Variants in SORCS3 observed in about 807,000 individuals in gnomAD.
The protein encoded by SORCS3 is VPS10 domain-containing receptor SorCS3.
Under a neutral mutation model 146.3 loss-of-function variants are expected in SORCS3, and 57 were observed. The observed-to-expected ratio is 0.39, with a 90% CI of 0.31 to 0.49. The LOEUF (loss-of-function observed/expected upper bound fraction) is 0.49. SORCS3 is among the 20% of genes least tolerant of loss of function. SORCS3 has a pLI of 0.92. For missense variants in SORCS3, 1,341 were observed against 1,575.5 expected, an observed-to-expected ratio of 0.85 and a Z score of 2.52; for synonymous variants, 653 against 618.5, an observed-to-expected ratio of 1.06 and a Z score of -0.83.
intron 3 of SORCS3, among the ~76,000 whole-genome samples, chr10:104,929,606 C>T (rs952441245): frequency 6.6e-6 from 1 of 152,210 alleles, no homozygotes; most frequent in African/African-American, 2.4e-5. Flanking sequence ...CCCTAGACAG[C>T]CCTCAGCAAC....
chr10:105,190,612 C>T (rs1311258111), intron 14 of SORCS3, among the ~76,000 whole-genome samples: 3 of 152,096 alleles, frequency 2.0e-5, no homozygotes, highest in Non-Finnish European at 1.5e-5. Flanking sequence ...CCATATTGGT[C>T]AGGATAGTCT....
At chr10:105,165,007 A>G (rs991409235) in intron 12 of SORCS3, among the ~76,000 whole-genome samples, 11 of 152,222 alleles carry the variant, frequency 7.2e-5, no homozygotes, top group African/African-American at 2.4e-4. Context: ...CCATGCAGCT[A>G]TGGAGCACTT....
At chr10:104,696,897 G>A (rs897832438) in intron 1 of SORCS3, among the ~76,000 whole-genome samples, 1 of 149,522 alleles carries the variant, frequency 6.7e-6, no homozygotes, top group Non-Finnish European at 1.5e-5. Context: ...GACAAATACT[G>A]CATAATCTCA....
intron 5 of SORCS3, among the ~76,000 whole-genome samples, chr10:105,054,398 A>T (rs1397877171): frequency 6.6e-6 from 1 of 151,706 alleles, no homozygotes; most frequent in Non-Finnish European, 1.5e-5. Context: ...TATATATTAG[A>T]TATTAGATAT....
At chr10:104,847,562 T>G (rs1268171101) in intron 2 of SORCS3, among the ~76,000 whole-genome samples, 1 of 152,170 alleles carries the variant, frequency 6.6e-6, no homozygotes, top group Non-Finnish European at 1.5e-5. Flanking sequence ...ACCACAGGTA[T>G]GCAGTCCCCA....
chr10:104,718,809 G>C (rs1008420502), intron 1 of SORCS3, among the ~76,000 whole-genome samples: 1 of 152,140 alleles, frequency 6.6e-6, no homozygotes, highest in African/African-American at 2.4e-5. Context: ...TGGGAGAAAT[G>C]TTAGGAATAT....
intron 25 of SORCS3, among the ~76,000 whole-genome samples, chr10:105,257,614 A>C (rs1390679697): frequency 6.6e-6 from 1 of 152,242 alleles, no homozygotes; most frequent in Non-Finnish European, 1.5e-5. Context: ...TAAGAGTATA[A>C]ACTCTGAAAT....
intron 1 of SORCS3, among the ~76,000 whole-genome samples, chr10:104,800,665 A>T (rs922404124): frequency 1.3e-5 from 2 of 152,182 alleles, no homozygotes; most frequent in African/African-American, 4.8e-5. Context: ...AATACAATTT[A>T]TCTGAAAATA....
chr10:105,157,361 G>T, intron 10 of SORCS3, 77 bp downstream of exon 10: 1 of 1,559,120 alleles, frequency 6.4e-7, no homozygotes, highest in South Asian at 1.2e-5. Flanking sequence ...GCTTTGTTTC[G>T]TCAAAGGGTC....
intron 7 of SORCS3, among the ~76,000 whole-genome samples, chr10:105,115,072 C>T (rs1464543847): frequency 6.6e-6 from 1 of 152,100 alleles, no homozygotes; most frequent in African/African-American, 2.4e-5. Flanking sequence ...TGGAGCATTG[C>T]CCTGGTCTCC....
chr10:104,772,591 G>A (rs1443863405), intron 1 of SORCS3, among the ~76,000 whole-genome samples: 1 of 152,170 alleles, frequency 6.6e-6, no homozygotes, highest in Non-Finnish European at 1.5e-5. Flanking sequence ...CTCACATGAC[G>A]TTATTCCCCC....
In SORCS3 at chr10:104,855,713, T is replaced by TTGAGTG. The variant is rs1352430068; in HGVS notation, c.695+12857_695+12862dup. On this transcript the variant is annotated intron_variant, in intron 2 of 26. Transcript: ENST00000369701. ...TGCTCAACTTATTTGGTATTTGCTT[T>TTGAGTG]TGAGTGTGTGTGTGTGTATGTGTGT... 3.2e-4 allele frequency among the ~76,000 whole-genome samples: 44 copies of TTGAGTG among 136,992 alleles called. No individual in the cohort carries two copies. The South Asian group carries it at 9.2e-3, about 29-fold the overall frequency. The allele number at this position is 136,992 out of a possible 152,430, so 89.9% of individuals were successfully genotyped here.
intron 1 of SORCS3, among the ~76,000 whole-genome samples, chr10:104,777,613 G>A (rs375461701): frequency 5.3e-5 from 8 of 152,346 alleles, no homozygotes; most frequent in African/African-American, 1.7e-4. Context: ...AGTGCTACTG[G>A]CATCTAGTGG....
At chr10:104,909,227 T>C (rs551229059) in intron 2 of SORCS3, among the ~76,000 whole-genome samples, 7 of 152,236 alleles carry the variant, frequency 4.6e-5, no homozygotes, top group African/African-American at 1.7e-4. Flanking sequence ...AAATATTTAC[T>C]ATCTGGTTGT....
rs1017327480 is a variant in SORCS3 at position 105,114,891 on chromosome 10, A to G, written c.1212+9376A>G. On this transcript the variant is annotated intron_variant, in intron 7 of 26. Transcript: ENST00000369701. Reference sequence around the variant, plus strand: ...TGATACCAGTACTACATTGAAGTCAATTGGTAGCTTGGATACATGTTGCTG... The same window carrying G: ...TGATACCAGTACTACATTGAAGTCAGTTGGTAGCTTGGATACATGTTGCTG... 2.6e-5 allele frequency among the ~76,000 whole-genome samples: 4 copies of G among 152,312 alleles called. No individual in the cohort carries two copies. In the East Asian group the frequency reaches 7.7e-4, roughly 29 times the overall value.
At position 104,841,099 on chromosome 10, in the gene SORCS3, C is replaced by T. The variant is rs573057695; in HGVS notation, c.628-1693C>T. ...ATACCATATATACTGATTCAACAAA[C>T]AGAAATTATCTGGCAACTTGCTAGA... On this transcript the variant is annotated intron_variant, in intron 1 of 26. Transcript: ENST00000369701. 2.0e-5 allele frequency among the ~76,000 whole-genome samples: 3 copies of T among 152,150 alleles called. No individual in the cohort carries two copies. In the South Asian group the frequency reaches 6.2e-4, roughly 32 times the overall value.
At chr10:104,785,043 C>A (rs996928154) in intron 1 of SORCS3, among the ~76,000 whole-genome samples, 4 of 152,084 alleles carry the variant, frequency 2.6e-5, no homozygotes, top group African/African-American at 9.7e-5. Context: ...GCGCCCCTCA[C>A]CTCCCGGATG....
intron 1 of SORCS3, among the ~76,000 whole-genome samples, chr10:104,732,629 C>T (rs1229329554): frequency 1.3e-5 from 2 of 152,206 alleles, no homozygotes; most frequent in Non-Finnish European, 1.5e-5. Context: ...TCTGCTCTTG[C>T]ACGCGTGCAT....
chr10:104,777,418 CA>C (rs1412759522), intron 1 of SORCS3, among the ~76,000 whole-genome samples: 4 of 152,188 alleles, frequency 2.6e-5, no homozygotes, highest in Non-Finnish European at 5.9e-5. Flanking sequence ...TGCCCCATTC[CA>C]ACCTGCTGTA....
Sources: allele counts gnomAD v4.1 joint callset (sites outside exome capture counted in the v4.1 genomes callset), GRCh38; gene constraint gnomAD v4.1.1; transcripts MANE v1.5; gene names NCBI Gene and HGNC (gene_info 2026-07-23, HGNC 2026-07-21).